PHACTR2: variants seen among roughly 807,000 people sequenced by gnomAD.
PHACTR2 encodes the protein chromosome 6 open reading frame 56.
A neutral mutation model predicts 76.0 loss-of-function variants in PHACTR2; 30 were observed. That is an observed-to-expected ratio of 0.39 (90% CI 0.30 to 0.54). The LOEUF is 0.54. PHACTR2 is among the 20% of genes least tolerant of loss of function. The pLI, the probability that PHACTR2 is intolerant of heterozygous loss-of-function variation, is 0.61. For missense variants in PHACTR2, 696 were observed against 781.1 expected (o/e 0.89, Z 1.30); for synonymous variants, 292 against 292.5 (o/e 1.00, Z 0.02).
upstream of PHACTR2, among the ~76,000 whole-genome samples, chr6:143,673,438 G>A (rs1777190712): frequency 6.6e-6 from 1 of 151,764 alleles, no homozygotes; most frequent in Non-Finnish European, 1.5e-5. Context: ...GGCAAATTTT[G>A]TTAGTTTCTA....
intron 1 of PHACTR2, among the ~76,000 whole-genome samples, chr6:143,577,267 A>G (rs987224269): frequency 1.3e-5 from 2 of 152,218 alleles, no homozygotes; most frequent in African/African-American, 4.8e-5. Context: ...AAAGACACAT[A>G]AAAGTAGCCA....
intron 11 of PHACTR2, among the ~76,000 whole-genome samples, chr6:143,799,767 C>T (rs978913288): frequency 5.9e-5 from 9 of 152,202 alleles, no homozygotes; most frequent in Middle Eastern, 3.4e-3. Flanking sequence ...GATTTCTGTT[C>T]GTTTACATTT....
In PHACTR2 at chr6:143,653,740, TG is replaced by T. The variant is rs1562260285; in HGVS notation, c.13+45419del. ...ACTCAAGATTGATCAAAGACCTAGA[TG>T]TAAGAGCTAAAACTATAACAGGCTT... On this transcript the variant is annotated intron_variant, in intron 1 of 11. Coordinates refer to the PHACTR2 transcript ENST00000305766. The surrounding 1 kb of genome is among the most constrained non-coding windows in gnomAD (Gnocchi z 4.9). Among the ~76,000 whole-genome samples the T allele has an allele frequency of 6.6e-6, 1 of 151,964 alleles. No individual in the cohort carries two copies. Among genetic ancestry groups the T allele is most frequent in the Non-Finnish European group, 1.5e-5 (1 of 67,998 alleles).
At chr6:143,637,183 A>T (rs1035389686) in intron 1 of PHACTR2, among the ~76,000 whole-genome samples, 5 of 152,186 alleles carry the variant, frequency 3.3e-5, no homozygotes, top group Middle Eastern at 6.8e-3. Context: ...CTTCTGAGGG[A>T]TCCTTGCTGT....
rs1781175573 is a variant in PHACTR2 at position 143,541,964 on chromosome 6, G to A, written c.217+4757G>A. On this transcript the variant is annotated intron_variant, in intron 1 of 11. Coordinates refer to the PHACTR2 transcript ENST00000367584. The surrounding 1 kb of genome is among the most constrained non-coding windows in gnomAD (Gnocchi z 5.3). ...GCCCCAGCCACGAGCTAAGCTGGAG[G>A]TGCCCTAGGCCAGGAACAATGAACA... Among the ~76,000 whole-genome samples the A allele has an allele frequency of 2.0e-5, 3 of 152,218 alleles. No individual in the cohort carries two copies. The highest frequency in any genetic ancestry group is 2.0e-4 in the Admixed American group (3 of 15,284).
At chr6:143,690,979 T>C (rs1223748370) in intron 1 of PHACTR2, among the ~76,000 whole-genome samples, 1 of 152,216 alleles carries the variant, frequency 6.6e-6, no homozygotes, top group African/African-American at 2.4e-5. Flanking sequence ...CAAACTACCA[T>C]TGATATTTCA....
rs3841024 is a variant in PHACTR2 at position 143,608,560 on chromosome 6, C to CTATTT, written c.13+239_13+243dup. On this transcript the variant is annotated intron_variant, in intron 1 of 11. Coordinates refer to the PHACTR2 transcript ENST00000305766. This position sits in a 1 kb window ranked among gnomAD's most constrained non-coding sequence, Gnocchi z 4.6. ...AATTCACCTTTTGTGAAGACTACTG[C>CTATTT]TATTTAGGCTGAAGCAAGTGTGGTG... 0.31 allele frequency among the ~76,000 whole-genome samples: 47,249 copies of CTATTT among 151,668 alleles called. 8,462 individuals are homozygous for CTATTT. The highest frequency in any genetic ancestry group is 0.51 in the African/African-American group (21,001 of 41,144).
At position 143,671,063 on chromosome 6, in the gene PHACTR2, G is replaced by A. The variant is rs1422317019; in HGVS notation, c.14-40953G>A. On this transcript the variant is annotated intron_variant, in intron 1 of 11. Transcript: ENST00000305766. This position sits in a 1 kb window ranked among gnomAD's most constrained non-coding sequence, Gnocchi z 4.6. The stretch of plus-strand genomic sequence containing the variant: ...TCCTGCCTCAGCCTCCCGAGTAGCT[G>A]GGATTACAGGAATGCGCCACCATGC... 6.6e-6 allele frequency among the ~76,000 whole-genome samples: 1 copy of A among 152,008 alleles called. No individual in the cohort carries two copies. Among genetic ancestry groups the A allele is most frequent in the Non-Finnish European group, 1.5e-5 (1 of 68,002 alleles).
chr6:143,693,925 T>C (rs1310671912), intron 1 of PHACTR2, among the ~76,000 whole-genome samples: 1 of 152,104 alleles, frequency 6.6e-6, no homozygotes, highest in Non-Finnish European at 1.5e-5. Context: ...AAAAATTATG[T>C]GGGTGTGGTG....
intron 12 of PHACTR2, among the ~76,000 whole-genome samples, chr6:143,817,882 T>C (rs1776333611): frequency 6.6e-6 from 1 of 152,140 alleles, no homozygotes; most frequent in African/African-American, 2.4e-5. Context: ...GTGCAGTTGG[T>C]TAACAGATAC....
chr6:143,570,543 T>C lies in PHACTR2; in HGVS notation c.217+33336T>C, dbSNP rs559868536. On this transcript the variant is annotated intron_variant, in intron 1 of 11. Coordinates refer to the PHACTR2 transcript ENST00000367584. This position sits in a 1 kb window ranked among gnomAD's most constrained non-coding sequence, Gnocchi z 4.6. ...AGCTTTCTATCGATTGGCAGTTTTG[T>C]GCCTTTTCAGTTCAGCTCCCAGAGC... 3.3e-4 allele frequency among the ~76,000 whole-genome samples: 50 copies of C among 152,312 alleles called. No homozygotes were observed. Among genetic ancestry groups the C allele is most frequent in the African/African-American group, 1.1e-3 (45 of 41,566 alleles).
rs1434449364 is a variant in PHACTR2 at position 143,537,177 on chromosome 6, C to T, written c.187C>T (p.Arg63Cys). Residue 63 changes from arginine to cysteine, a missense_variant, in exon 1 of 12, where the codon CGC (arginine) becomes TGC (cysteine). Transcript: ENST00000367584. This position sits in a 1 kb window ranked among gnomAD's most constrained non-coding sequence, Gnocchi z 4.4. Reference sequence around the variant, plus strand: ...CCTCTCGTCGTCCTCGAGCAGGGGCCGCCCGCTCCGGGTCCACATCTCCGG... The same window carrying T: ...CCTCTCGTCGTCCTCGAGCAGGGGCTGCCCGCTCCGGGTCCACATCTCCGG... 6.6e-6 allele frequency: 2 copies of T among 303,746 alleles called. No individual in the cohort carries two copies. The highest frequency in any genetic ancestry group is 9.1e-5 in the East Asian group (1 of 10,988). 18.8% of individuals were successfully genotyped at this position (303,746 alleles called of 1,614,324 possible). A position where few individuals can be genotyped will look rare whatever the true frequency, so the allele number is the denominator to read the frequency against.
intron 2 of PHACTR2, among the ~76,000 whole-genome samples, chr6:143,728,303 C>T (rs376050534): frequency 3.5e-5 from 5 of 142,150 alleles, no homozygotes; most frequent in African/African-American, 1.3e-4. Context: ...CATCTACCTA[C>T]AGGGCTTAGG....
At chr6:143,574,521 A>C (rs572595692) in intron 1 of PHACTR2, among the ~76,000 whole-genome samples, 1 of 152,258 alleles carries the variant, frequency 6.6e-6, no homozygotes, top group East Asian at 1.9e-4. Context: ...TAGATTTTTA[A>C]AGTTATAACT....
At chr6:143,729,516 G>A (rs1778655037) in intron 2 of PHACTR2, among the ~76,000 whole-genome samples, 1 of 152,076 alleles carries the variant, frequency 6.6e-6, no homozygotes, top group Admixed American at 6.5e-5. Context: ...TTTTATGCAA[G>A]GGGTGAGGTT....
chr6:143,719,573 C>T (rs1778393540), intron 2 of PHACTR2, among the ~76,000 whole-genome samples: 1 of 149,622 alleles, frequency 6.7e-6, no homozygotes, highest in Admixed American at 6.7e-5. Context: ...TGGTCTTGAA[C>T]TCCTGACCTC....
At position 143,809,847 on chromosome 6, in the gene PHACTR2, C is replaced by T. The variant is rs1008084858; in HGVS notation, c.1922+2714C>T. ...TCTCATTCAGCTGGATGCAGTGGCT[C>T]AGGCCTGTAATCCCGGCACTTGGGG... On this transcript the variant is annotated intron_variant, in intron 12 of 12. Transcript: ENST00000440869. This position sits in a 1 kb window ranked among gnomAD's most constrained non-coding sequence, Gnocchi z 4.2. Among the ~76,000 whole-genome samples the T allele has an allele frequency of 3.3e-5, 5 of 152,070 alleles. No individual in the cohort carries two copies. Among genetic ancestry groups the T allele is most frequent in the Non-Finnish European group, 5.9e-5 (4 of 68,008 alleles).
chr6:143,737,160 G>C (rs199838027), intron 2 of PHACTR2, among the ~76,000 whole-genome samples: 1 of 151,092 alleles, frequency 6.6e-6, no homozygotes, highest in Admixed American at 6.6e-5. Flanking sequence ...ATACCTTTCT[G>C]TAAATATTAT....
rs199524373 is a variant in PHACTR2 at position 143,774,157 on chromosome 6, C to T, written c.1531C>T (p.Arg511Cys). 3.2e-5 allele frequency: 51 copies of T among 1,613,706 alleles called. No individual in the cohort carries two copies. In the African/African-American group the frequency reaches 4.7e-4, roughly 15 times the overall value. ...ACTAGAGGACAAAAACATCTTGCAG[C>T]GTACATCTGAAGAAGAGAGGCAGGA... is the stretch of plus-strand genomic sequence containing the variant. ...KELEDKNILQ[R>C]TSEEERQEIR... The change falls in exon 8 of 13, where the codon CGT becomes TGT. Residue 511 changes from arginine (R) to cysteine (C), a missense_variant. This residue lies in a region of PHACTR2 where 236 missense variants were observed against 330.2 expected (regional missense o/e 0.71). Coordinates refer to ENST00000440869, the MANE Select transcript of PHACTR2 (RefSeq NM_001100164.2). The surrounding 1 kb of genome is among the most constrained non-coding windows in gnomAD (Gnocchi z 5.4).
Sources: gnomAD v4.1 joint callset for allele counts (sites outside exome capture counted in the v4.1 genomes callset) on GRCh38, gnomAD v4.1.1 for gene constraint, gnomAD v4.1.1 regional missense constraint, Gnocchi (gnomAD v3.1) non-coding constraint, MANE v1.5 for transcripts, NCBI Gene and HGNC (gene_info 2026-07-23, HGNC 2026-07-21) for gene names.